Variants in RAC1 observed in about 807,000 individuals in gnomAD.
RAC1 encodes Rac family small GTPase 1.
In RAC1, 2 loss-of-function variants were observed where a neutral mutation model predicts 25.2. The observed-to-expected ratio is 0.08, with a 90% CI of 0.03 to 0.25. The LOEUF is 0.25. Ranked by LOEUF, RAC1 falls within the 10% of genes least tolerant of loss-of-function variation. The pLI is 1.00. For missense variants in RAC1, 50 were observed against 235.7 expected (o/e 0.21, Z 5.16); for synonymous variants, 88 against 94.0 (o/e 0.94, Z 0.37).
At chr7:6,379,309 T>A (rs1343942816) in intron 1 of RAC1, among the ~76,000 whole-genome samples, 1 of 127,160 alleles carries the variant, frequency 7.9e-6, no homozygotes, top group African/African-American at 2.7e-5. Flanking sequence ...GTTTTCGCCC[T>A]TTTTGCAAAG....
intron 3 of RAC1, chr7:6,398,821 T>G (rs1051015851): frequency 3.6e-6 from 4 of 1,100,094 alleles, no homozygotes; most frequent in Non-Finnish European, 5.4e-6. Flanking sequence ...TCCTTGAGTG[T>G]TTTATATTTA....
intron 2 of RAC1, chr7:6,391,513 G>A (rs1000680540): frequency 4.8e-6 from 1 of 209,072 alleles, no homozygotes; most frequent in Non-Finnish European, 9.7e-6. Flanking sequence ...CCTGCAGAGG[G>A]TAGCTCTAGT....
At chr7:6,383,668 G>A (rs1782835067) in intron 1 of RAC1, among the ~76,000 whole-genome samples, 1 of 151,582 alleles carries the variant, frequency 6.6e-6, no homozygotes, top group African/African-American at 2.4e-5. Flanking sequence ...AGAGACTTAG[G>A]ACAGAATAGT....
chr7:6,378,782 G>A (rs971779428), intron 1 of RAC1, among the ~76,000 whole-genome samples: 1 of 151,660 alleles, frequency 6.6e-6, no homozygotes, highest in African/African-American at 2.4e-5. Flanking sequence ...TTTTCTCTCA[G>A]CTTTTCCTAG....
At chr7:6,400,234 C>T (rs1348895031) in intron 4 of RAC1, 46 bp downstream of exon 4, 1 of 1,497,764 alleles carries the variant, frequency 6.7e-7, no homozygotes, top group Middle Eastern at 2.4e-4. Flanking sequence ...GAATGATCCT[C>T]TCAGAAATAA....
At chr7:6,386,401 A>G (rs561756138) in intron 1 of RAC1, among the ~76,000 whole-genome samples, 2 of 152,108 alleles carry the variant, frequency 1.3e-5, no homozygotes, top group Non-Finnish European at 2.9e-5. Context: ...GGCTGTAGGG[A>G]TGTGGTGGGA....
At chr7:6,383,898 G>A (rs1033207427) in intron 1 of RAC1, among the ~76,000 whole-genome samples, 12 of 142,048 alleles carry the variant, frequency 8.4e-5, no homozygotes, top group African/African-American at 3.2e-4. Flanking sequence ...CGCCTCCCGG[G>A]TTCAAGCGAC....
In RAC1 at chr7:6,403,346, A is replaced by G. The variant is rs373871719; in HGVS notation, c.*900A>G. On this transcript the variant is annotated 3_prime_UTR_variant, in exon 6 of 6. Transcript: ENST00000348035. ...CTCTTACACCTGCCATGCCTCCCCAAATTGGGCATTTAATTCATCTTTAAA... is the reference window on the plus strand; with the variant it reads ...CTCTTACACCTGCCATGCCTCCCCAGATTGGGCATTTAATTCATCTTTAAA... The G allele has an allele frequency of 6.2e-5, 13 of 209,608 alleles. No individual in the cohort carries two copies. Among genetic ancestry groups the G allele is most frequent in the African/African-American group, 1.6e-4 (7 of 44,116 alleles). 13.0% of individuals were successfully genotyped at this position (209,608 alleles called of 1,614,324 possible).
intron 1 of RAC1, among the ~76,000 whole-genome samples, chr7:6,382,036 C>G (rs889752395): frequency 2.0e-5 from 3 of 151,986 alleles, no homozygotes; most frequent in African/African-American, 7.3e-5. Flanking sequence ...CTCTGTTGCT[C>G]AGGCTGGAGT....
chr7:6,388,575 C>G (rs1782992757), intron 2 of RAC1, among the ~76,000 whole-genome samples: 1 of 151,968 alleles, frequency 6.6e-6, no homozygotes, highest in Admixed American at 6.6e-5. Context: ...AACTCCTGAC[C>G]TCAGGTGATC....
At chr7:6,379,268 ATTTTTT>A (rs768891793) in intron 1 of RAC1, among the ~76,000 whole-genome samples, 10 of 105,770 alleles carry the variant, frequency 9.5e-5, no homozygotes, top group Non-Finnish European at 1.4e-4. Flanking sequence ...TGCCGAGGTA[ATTTTTT>A]TTTTTTTTTT....
chr7:6,400,022 C>T (rs374627389), intron 3 of RAC1, 104 bp from the exon 4 acceptor site: 12 of 1,033,330 alleles, frequency 1.2e-5, no homozygotes, highest in East Asian at 4.7e-5. Context: ...CTGGTAGACA[C>T]GCTCTGCGTC....
chr7:6,398,851 T>C, intron 3 of RAC1: 1 of 856,282 alleles, frequency 1.2e-6, no homozygotes, highest in South Asian at 1.7e-5. Flanking sequence ...AGGTTGGGGT[T>C]TTGCTTGATG....
chr7:6,391,326 C>T (rs1562466490), intron 2 of RAC1: 1 of 151,994 alleles, frequency 6.6e-6, no homozygotes, highest in Non-Finnish European at 1.5e-5. Flanking sequence ...GTCTGATTTC[C>T]CTCTGTCAGC....
chr7:6,401,181 C>G (rs1783390875), intron 4 of RAC1, among the ~76,000 whole-genome samples: 1 of 152,126 alleles, frequency 6.6e-6, no homozygotes, highest in Non-Finnish European at 1.5e-5. Flanking sequence ...GTCTCGAACC[C>G]CTGGCCTCAA....
chr7:6,378,080 T>C (rs1782655606), intron 1 of RAC1, among the ~76,000 whole-genome samples: 1 of 152,150 alleles, frequency 6.6e-6, no homozygotes, highest in South Asian at 2.1e-4. Flanking sequence ...TCCCTAGGGA[T>C]GGTTCTGTCT....
rs997584213 is a variant in RAC1, at chr7:6,374,600, G to A, written c.-136G>A. ...CATCGGCTTCCAGTCCGCGGAGGGC[G>A]AGGCGGCGTGGACAGCGGCCCCGGC... On this transcript the variant is annotated 5_prime_UTR_variant, in exon 1 of 6. Transcript: ENST00000348035. The A allele has an allele frequency of 6.2e-5, 24 of 389,172 alleles. No individual in the cohort carries two copies. Among genetic ancestry groups the A allele is most frequent in the African/African-American group, 3.9e-4 (18 of 46,096 alleles). The allele number at this position is 389,172 out of a possible 1,614,324, so 24.1% of individuals were successfully genotyped here. A position where few individuals can be genotyped will look rare whatever the true frequency, so the allele number is the denominator to read the frequency against.
chr7:6,396,858 G>A (rs570757975), intron 3 of RAC1, among the ~76,000 whole-genome samples: 59 of 152,066 alleles, frequency 3.9e-4, no homozygotes, highest in African/African-American at 1.0e-3. Context: ...TTGAAACCTC[G>A]TCTCTACTAA....
At chr7:6,385,100 C>G (rs1428255489) in intron 1 of RAC1, among the ~76,000 whole-genome samples, 1 of 152,222 alleles carries the variant, frequency 6.6e-6, no homozygotes, top group Non-Finnish European at 1.5e-5. Context: ...GCCACCATGC[C>G]TGGCCTAAAA....
Sources: allele counts gnomAD v4.1 joint callset (sites outside exome capture counted in the v4.1 genomes callset), GRCh38; gene constraint gnomAD v4.1.1; transcripts MANE v1.5; gene names NCBI Gene and HGNC (gene_info 2026-07-23, HGNC 2026-07-21).